Variants in RETREG1 observed in about 807,000 individuals in gnomAD.
The protein encoded by RETREG1 is reticulophagy regulator 1, also known as family with sequence similarity 134 member B.
In RETREG1, 44 loss-of-function variants were observed where a neutral mutation model predicts 54.8. The observed-to-expected ratio is 0.80, with a 90% confidence interval of 0.63 to 1.03. RETREG1 has a LOEUF of 1.03. Among genes scored for constraint, RETREG1 ranks in the 50% least tolerant of loss-of-function variants. RETREG1 has a pLI of 0.00. For synonymous variants in RETREG1, 217 were observed against 238.5 expected, an observed-to-expected ratio of 0.91 and a Z score of 0.83; for missense variants, 554 against 605.1, an observed-to-expected ratio of 0.92 and a Z score of 0.89.
chr5:16,590,634 C>T (rs1742737841), intron 1 of RETREG1, among the ~76,000 whole-genome samples: 1 of 152,154 alleles, frequency 6.6e-6, no homozygotes. Flanking sequence ...GGGCTGTCTC[C>T]CAGGGCCTCG....
intron 3 of RETREG1, among the ~76,000 whole-genome samples, chr5:16,542,929 T>C (rs1475134954): frequency 1.3e-5 from 2 of 152,184 alleles, no homozygotes; most frequent in African/African-American, 4.8e-5. Flanking sequence ...AGCACCAAAA[T>C]CAACATAATC....
At chr5:16,604,041 T>C (rs1402008953) in intron 1 of RETREG1, among the ~76,000 whole-genome samples, 2 of 152,228 alleles carry the variant, frequency 1.3e-5, no homozygotes, top group African/African-American at 4.8e-5. Flanking sequence ...GCCGAAATTT[T>C]ACTTGGAAAA....
chr5:16,616,559 C>G, intron 1 of RETREG1, 93 bp downstream of exon 1: 1 of 1,516,410 alleles, frequency 6.6e-7, no homozygotes, highest in Non-Finnish European at 8.8e-7. Context: ...TCCGCAGTGT[C>G]CCGCGGGCTC....
At chr5:16,516,532 G>T (rs1166309039) in intron 3 of RETREG1, among the ~76,000 whole-genome samples, 1 of 152,174 alleles carries the variant, frequency 6.6e-6, no homozygotes, top group Non-Finnish European at 1.5e-5. Context: ...CTGAGCACCC[G>T]CATCTTAGCA....
chr5:16,543,751 A>G (rs1240278076), intron 3 of RETREG1, among the ~76,000 whole-genome samples: 2 of 151,838 alleles, frequency 1.3e-5, no homozygotes, highest in South Asian at 2.1e-4. Context: ...CCAGCAATAT[A>G]TAAGAAGAGT....
chr5:16,501,103 C>A (rs1430668041), intron 3 of RETREG1, among the ~76,000 whole-genome samples: 1 of 152,124 alleles, frequency 6.6e-6, no homozygotes, highest in Non-Finnish European at 1.5e-5. Context: ...CTTATGTATA[C>A]ATTTATTATT....
intron 2 of RETREG1, among the ~76,000 whole-genome samples, chr5:16,566,589 G>A (rs1011713360): frequency 2.0e-5 from 3 of 152,158 alleles, no homozygotes; most frequent in Non-Finnish European, 2.9e-5. Context: ...ATCCCCTATC[G>A]AGAGCTATGG....
chr5:16,526,644 T>C (rs1349718584), intron 3 of RETREG1, among the ~76,000 whole-genome samples: 7 of 152,244 alleles, frequency 4.6e-5, no homozygotes, highest in African/African-American at 1.7e-4. Flanking sequence ...AACAAATACA[T>C]GTCAGTTACT....
chr5:16,481,211 T>C lies in RETREG1; in HGVS notation c.586-118A>G, dbSNP rs974065276. On this transcript the variant is annotated intron_variant, in intron 4 of 8. Coordinates refer to ENST00000306320, the MANE Select transcript of RETREG1 (RefSeq NM_001034850.3). ...CCGGTATAAGTGACCTATCTGGTTA[T>C]TACAGATTTTTTCCAAAGAGCATTA... 6.4e-6 allele frequency: 5 copies of C among 783,008 alleles called. No homozygotes were observed. The African/African-American group carries it at 8.6e-5, about 13-fold the overall frequency. The allele number at this position is 783,008 out of a possible 1,614,324, so 48.5% of individuals were successfully genotyped here. A position where few individuals can be genotyped will look rare whatever the true frequency, so the allele number is the denominator to read the frequency against.
At chr5:16,586,252 C>G (rs1034731500) in intron 1 of RETREG1, among the ~76,000 whole-genome samples, 13 of 152,216 alleles carry the variant, frequency 8.5e-5, no homozygotes, top group South Asian at 2.1e-4. Context: ...ATCTTTGTGT[C>G]TTTTATCTTT....
At chr5:16,613,356 T>C (rs73051640) in intron 1 of RETREG1, among the ~76,000 whole-genome samples, 5,626 of 152,296 alleles carry the variant, frequency 0.037, 339 homozygotes, top group African/African-American at 0.12. Flanking sequence ...CAAATCATTC[T>C]TATCCACTGA....
chr5:16,501,726 G>A (rs1004588581), intron 3 of RETREG1, among the ~76,000 whole-genome samples: 4 of 151,232 alleles, frequency 2.6e-5, no homozygotes, highest in African/African-American at 4.9e-5. Context: ...TGTATTTTCA[G>A]TAGAGACAAG....
chr5:16,616,878 C>G lies in RETREG1; in HGVS notation c.94G>C (p.Ala32Pro), dbSNP rs1377991492. ...TGCTGCTGCCGCTCTGCGGGGGATG[C>G]CTGGGGCGGTGGCGGCGACGGCGGC... ...QAPPSPPPPQ[A>P]SPAERQQQEE... The change falls in exon 1 of 9, where the codon GCA (alanine) becomes CCA (proline). Residue 32 changes from alanine (A) to proline (P), a missense_variant. Around this residue, in one of 4 missense-constraint regions of RETREG1, gnomAD observed 175 missense variants for 142.1 expected, o/e 1.23. Transcript: ENST00000306320. 2.7e-6 allele frequency: 4 copies of G among 1,488,830 alleles called. No individual in the cohort carries two copies. Among genetic ancestry groups the G allele is most frequent in the Non-Finnish European group, 3.5e-6 (4 of 1,126,966 alleles). 92.2% of individuals were successfully genotyped at this position (1,488,830 alleles called of 1,614,324 possible). A position where few individuals can be genotyped will look rare whatever the true frequency, so the allele number is the denominator to read the frequency against.
In RETREG1 at chr5:16,585,133, G is replaced by A. The variant is rs1028245283; in HGVS notation, c.321-13031C>T. Among the ~76,000 whole-genome samples, 11 of 152,164 alleles carry A rather than the reference G, an allele frequency of 7.2e-5. No individual in the cohort carries two copies. Among genetic ancestry groups the A allele is most frequent in the Admixed American group, 1.3e-4 (2 of 15,278 alleles). On this transcript the variant is annotated intron_variant, in intron 1 of 8. Transcript: ENST00000306320. This position sits in a 1 kb window ranked among gnomAD's most constrained non-coding sequence, Gnocchi z 4.5. Reference sequence around the variant, plus strand: ...ATCAATCACAGGGAAATGGTGGGTAGTAACAATCAGAGTCTGCTGCAGTGG... The same window carrying A: ...ATCAATCACAGGGAAATGGTGGGTAATAACAATCAGAGTCTGCTGCAGTGG...
rs1218730697 is a variant in RETREG1 at position 16,530,861 on chromosome 5, CA to C, written c.458+34901del. 1.2e-3 allele frequency among the ~76,000 whole-genome samples: 162 copies of C among 132,006 alleles called. 1 individual carries two copies. Among genetic ancestry groups the C allele is most frequent in the South Asian group, 6.7e-3 (26 of 3,892 alleles). 86.6% of individuals were successfully genotyped at this position (132,006 alleles called of 152,430 possible). On this transcript the variant is annotated intron_variant, in intron 3 of 8. Transcript: ENST00000306320. ...TGGGAGACAAAGCAAGACTCCGTCT[CA>C]AAAAAAAAAAAACTCCAAAATAAGA...
At chr5:16,564,017 T>C (rs1388712410) in intron 3 of RETREG1, among the ~76,000 whole-genome samples, 1 of 152,232 alleles carries the variant, frequency 6.6e-6, no homozygotes. Flanking sequence ...TGTTATTCCT[T>C]TTTAAAAGAA....
chr5:16,561,966 TAGAG>T lies in RETREG1; in HGVS notation c.458+3793_458+3796del, dbSNP rs1259244524. 6.6e-6 allele frequency among the ~76,000 whole-genome samples: 1 copy of T among 152,152 alleles called. No individual in the cohort carries two copies. Among genetic ancestry groups the T allele is most frequent in the Non-Finnish European group, 1.5e-5 (1 of 68,026 alleles). On this transcript the variant is annotated intron_variant, in intron 3 of 8. Coordinates refer to ENST00000306320, the MANE Select transcript of RETREG1 (RefSeq NM_001034850.3). The surrounding 1 kb of genome is among the most constrained non-coding windows in gnomAD (Gnocchi z 4.2). ...TGTCTAATCTTTCCCCAACCACAGT[TAGAG>T]AGAAAGCCTCGATTTCCTTGCCTGA...
intron 3 of RETREG1, among the ~76,000 whole-genome samples, chr5:16,500,193 G>A (rs1739644529): frequency 6.6e-6 from 1 of 152,120 alleles, no homozygotes. Flanking sequence ...GCTTCTCCCA[G>A]GGACAGCTGG....
intron 8 of RETREG1, among the ~76,000 whole-genome samples, chr5:16,477,054 C>T (rs1392034913): frequency 1.3e-5 from 2 of 152,100 alleles, no homozygotes; most frequent in Non-Finnish European, 2.9e-5. Context: ...GTAGGATTAG[C>T]GTCTATCTTT....
Sources: allele counts gnomAD v4.1 joint callset (sites outside exome capture counted in the v4.1 genomes callset), GRCh38; gene constraint gnomAD v4.1.1; regional missense constraint gnomAD v4.1.1; non-coding constraint Gnocchi (gnomAD v3.1); transcripts MANE v1.5; gene names NCBI Gene and HGNC (gene_info 2026-07-23, HGNC 2026-07-21).